Variants in NEBL observed in about 807,000 individuals in gnomAD.
NEBL encodes nebulette.
NEBL carries 122 observed loss-of-function variants against 140.2 expected under a neutral mutation model. The ratio of observed to expected loss-of-function variants is 0.87; its 90% CI spans 0.75 to 1.01. The LOEUF is 1.01. NEBL is among the 50% of genes least tolerant of loss of function. The pLI is 0.00. For missense variants in NEBL, 1,365 were observed against 1,231.3 expected (o/e 1.11, Z -1.62); for synonymous variants, 436 against 398.9 (o/e 1.09, Z -1.11).
intron 2 of NEBL, among the ~76,000 whole-genome samples, chr10:21,086,736 C>A (rs1836650813): frequency 6.6e-6 from 1 of 152,154 alleles, no homozygotes; most frequent in Non-Finnish European, 1.5e-5. Flanking sequence ...ATGATCGTGC[C>A]ACTGCACTCC....
At position 21,183,013 on chromosome 10, in the gene NEBL, A is replaced by T. The variant is rs562106722; in HGVS notation, n.349-10536T>A. 1.6e-3 allele frequency among the ~76,000 whole-genome samples: 238 copies of T among 152,258 alleles called. 1 individual carries two copies. Among genetic ancestry groups the T allele is most frequent in the Middle Eastern group, 0.014 (4 of 294 alleles). On this transcript the variant is annotated intron_variant and non_coding_transcript_variant, in intron 3 of 8. Transcript: ENST00000675702. ...TAATATTCATTCACCCTAAGACAGA[A>T]AGCAGGTGGCATGAACAGGGCCAGG...
intron 2 of NEBL, among the ~76,000 whole-genome samples, chr10:21,150,681 T>C (rs756016146): frequency 2.0e-4 from 30 of 152,226 alleles, no homozygotes; most frequent in Admixed American, 3.9e-4. Context: ...ATGTTCCTAA[T>C]TAATCTTTAT....
At chr10:21,245,864 TTTTTGTATC>T (rs1842510642) in intron 3 of NEBL, among the ~76,000 whole-genome samples, 1 of 152,158 alleles carries the variant, frequency 6.6e-6, no homozygotes, top group Non-Finnish European at 1.5e-5. Context: ...CCTGGCTAAT[TTTTTGTATC>T]TTTAGTAGAG....
chr10:20,907,281 G>T (rs1223388303), intron 4 of NEBL, among the ~76,000 whole-genome samples: 2 of 151,930 alleles, frequency 1.3e-5, no homozygotes, highest in Non-Finnish European at 2.9e-5. Flanking sequence ...TTTATTAAGG[G>T]TTTAAATTTT....
At chr10:20,984,490 T>C (rs1266211628) in intron 3 of NEBL, among the ~76,000 whole-genome samples, 1 of 152,172 alleles carries the variant, frequency 6.6e-6, no homozygotes, top group African/African-American at 2.4e-5. Context: ...GAGAGGACCT[T>C]TGTCTCATCA....
At chr10:21,231,130 C>T (rs574449057) in intron 3 of NEBL, among the ~76,000 whole-genome samples, 37 of 152,304 alleles carry the variant, frequency 2.4e-4, no homozygotes, top group African/African-American at 8.2e-4. Flanking sequence ...GCTGTGTCCT[C>T]GCGATGTGCG....
chr10:20,892,765 G>C (rs1336787260), intron 2 of NEBL, among the ~76,000 whole-genome samples: 1 of 152,170 alleles, frequency 6.6e-6, no homozygotes, highest in African/African-American at 2.4e-5. Context: ...TTAGCTAAAG[G>C]CTGAAATCGG....
At chr10:21,002,765 GAAC>G (rs1281567937) in intron 3 of NEBL, among the ~76,000 whole-genome samples, 4 of 152,068 alleles carry the variant, frequency 2.6e-5, no homozygotes, top group Non-Finnish European at 4.4e-5. Context: ...ACCATCACGA[GAAC>G]AACAAGGGGG....
chr10:21,033,108 C>T (rs544727238), intron 2 of NEBL, among the ~76,000 whole-genome samples: 11 of 152,138 alleles, frequency 7.2e-5, no homozygotes, highest in Non-Finnish European at 1.6e-4. Flanking sequence ...CACGGGAATA[C>T]ACAAACAAGG....
intron 4 of NEBL, among the ~76,000 whole-genome samples, chr10:20,907,339 T>A (rs1175388580): frequency 1.3e-5 from 2 of 152,134 alleles, no homozygotes; most frequent in African/African-American, 4.8e-5. Context: ...TAATTAAGTT[T>A]ACCAAAGGTG....
intron 1 of NEBL, among the ~76,000 whole-genome samples, chr10:21,259,643 G>T (rs992231818): frequency 6.6e-6 from 1 of 152,144 alleles, no homozygotes; most frequent in African/African-American, 2.4e-5. Flanking sequence ...CAGTCTTCCT[G>T]GTGGCAAAGC....
At chr10:21,225,029 T>C (rs991046177) in intron 3 of NEBL, among the ~76,000 whole-genome samples, 1 of 152,190 alleles carries the variant, frequency 6.6e-6, no homozygotes, top group Admixed American at 6.5e-5. Flanking sequence ...GCTAGGACTC[T>C]AGTACTATGT....
At chr10:21,147,428 C>G (rs2132117793) in intron 2 of NEBL, among the ~76,000 whole-genome samples, 1 of 146,434 alleles carries the variant, frequency 6.8e-6, no homozygotes, top group South Asian at 2.2e-4. Context: ...ACAAACCTCT[C>G]AAAGGAGGAG....
intron 4 of NEBL, among the ~76,000 whole-genome samples, chr10:20,912,393 A>G (rs1448629101): frequency 6.6e-6 from 1 of 152,182 alleles, no homozygotes; most frequent in African/African-American, 2.4e-5. Context: ...TCAGGCTGCA[A>G]TGCGCTACGA....
At chr10:21,289,654 G>A (rs1399223542) in intron 1 of NEBL, among the ~76,000 whole-genome samples, 2 of 152,074 alleles carry the variant, frequency 1.3e-5, no homozygotes. Flanking sequence ...AAGTAAGCCT[G>A]GTCTTACTCT....
intron 4 of NEBL, among the ~76,000 whole-genome samples, chr10:20,881,982 C>T (rs541916932): frequency 3.5e-4 from 54 of 152,200 alleles, no homozygotes; most frequent in African/African-American, 1.3e-3. Context: ...AGGAGAGAGA[C>T]TTGCTCACGA....
rs542539523 is a variant in NEBL at position 21,155,334 on chromosome 10, G to C, written c.164+17049C>G. On this transcript the variant is annotated intron_variant, in intron 2 of 6. Coordinates refer to the NEBL transcript ENST00000417816. ...TTAAATGTACAATTAAATTATTATT[G>C]ACTATAATCACCTTGTTGTGCTATC... Among the ~76,000 whole-genome samples, 4 of 152,102 alleles carry C rather than the reference G, an allele frequency of 2.6e-5. No homozygotes were observed. In the South Asian group the frequency reaches 8.3e-4, roughly 32 times the overall value.
intron 4 of NEBL, among the ~76,000 whole-genome samples, chr10:20,884,349 T>C (rs1846275488): frequency 6.6e-6 from 1 of 152,120 alleles, no homozygotes. Flanking sequence ...AGTTCTGGGA[T>C]TACAGGCACG....
At chr10:21,190,818 A>G (rs749703492) in intron 3 of NEBL, among the ~76,000 whole-genome samples, 5 of 152,246 alleles carry the variant, frequency 3.3e-5, no homozygotes, top group Non-Finnish European at 7.3e-5. Flanking sequence ...TTAACCAGCA[A>G]GTACATAAAG....
Sources: allele counts gnomAD v4.1 joint callset (sites outside exome capture counted in the v4.1 genomes callset), GRCh38; gene constraint gnomAD v4.1.1; transcripts MANE v1.5; gene names NCBI Gene and HGNC (gene_info 2026-07-23, HGNC 2026-07-21).